DYNC1I1: variants seen among roughly 807,000 people sequenced by gnomAD.
DYNC1I1 encodes the protein cytoplasmic dynein 1 intermediate chain 1.
Under a neutral mutation model 86.6 loss-of-function variants are expected in DYNC1I1, and 43 were observed. The observed-to-expected ratio is 0.50, with a 90% confidence interval of 0.39 to 0.64. The LOEUF is 0.64. Among genes scored for constraint, DYNC1I1 ranks in the 30% least tolerant of loss-of-function variants. The pLI is 0.00. For synonymous variants in DYNC1I1, 262 were observed against 283.7 expected (o/e 0.92, Z 0.77); for missense variants, 604 against 788.8 (o/e 0.77, Z 2.81).
At chr7:96,076,225 G>C (rs763584158) in intron 15 of DYNC1I1, 28 bp downstream of exon 15, 1 of 1,609,994 alleles carries the variant, frequency 6.2e-7, no homozygotes, top group Non-Finnish European at 8.5e-7. Context: ...CGCCCGGGCC[G>C]GAGGGCTGGG....
At chr7:95,965,673 T>C (rs1792992162) in intron 6 of DYNC1I1, among the ~76,000 whole-genome samples, 1 of 152,126 alleles carries the variant, frequency 6.6e-6, no homozygotes. Flanking sequence ...CTCATGTATT[T>C]AACCCCACAT....
chr7:95,874,901 C>T (rs1490124876), intron 6 of DYNC1I1, among the ~76,000 whole-genome samples: 1 of 152,242 alleles, frequency 6.6e-6, no homozygotes, highest in Non-Finnish European at 1.5e-5. Flanking sequence ...GCTAACACAG[C>T]AAGATCATAC....
intron 11 of DYNC1I1, among the ~76,000 whole-genome samples, chr7:96,029,109 T>C (rs1359854945): frequency 6.6e-6 from 1 of 152,188 alleles, no homozygotes; most frequent in Non-Finnish European, 1.5e-5. Context: ...TTGTTTCATA[T>C]GCTGGACTCA....
chr7:96,039,634 T>TA (rs1788975554), intron 14 of DYNC1I1, among the ~76,000 whole-genome samples: 1 of 152,150 alleles, frequency 6.6e-6, no homozygotes, highest in Non-Finnish European at 1.5e-5. Context: ...ATTCTAACTA[T>TA]AAAAAATTCA....
intron 6 of DYNC1I1, among the ~76,000 whole-genome samples, chr7:95,956,918 C>T (rs947236907): frequency 8.5e-5 from 13 of 152,166 alleles, no homozygotes; most frequent in Non-Finnish European, 1.9e-4. Flanking sequence ...ATAATCAAGT[C>T]CATCATTCAG....
At chr7:95,795,990 T>C (rs1052948932) in intron 1 of DYNC1I1, among the ~76,000 whole-genome samples, 16 of 151,300 alleles carry the variant, frequency 1.1e-4, no homozygotes, top group African/African-American at 3.6e-4. Context: ...CTAGATATAA[T>C]TGAGGTCTGT....
chr7:95,999,861 A>ATCAATT (rs1793966955), intron 10 of DYNC1I1, among the ~76,000 whole-genome samples: 1 of 152,068 alleles, frequency 6.6e-6, no homozygotes, highest in South Asian at 2.1e-4. Flanking sequence ...AGTAAACCTC[A>ATCAATT]TTTCTTCCTC....
chr7:96,091,513 C>T (rs1310518500), intron 16 of DYNC1I1, among the ~76,000 whole-genome samples: 1 of 151,994 alleles, frequency 6.6e-6, no homozygotes, highest in East Asian at 1.9e-4. Flanking sequence ...ATCTGAGAAA[C>T]CAACTGAAAT....
At chr7:95,826,484 G>A (rs1385222954) in intron 4 of DYNC1I1, among the ~76,000 whole-genome samples, 1 of 152,114 alleles carries the variant, frequency 6.6e-6, no homozygotes, top group African/African-American at 2.4e-5. Flanking sequence ...TAGAAAACCA[G>A]CAAAATATTC....
chr7:95,873,355 T>C (rs1395951334), intron 6 of DYNC1I1, among the ~76,000 whole-genome samples: 1 of 152,216 alleles, frequency 6.6e-6, no homozygotes, highest in Admixed American at 6.5e-5. Flanking sequence ...CCAAGTAGTA[T>C]AGCCATTTGA....
At chr7:96,106,933 T>C (rs759219457) in intron 16 of DYNC1I1, among the ~76,000 whole-genome samples, 11 of 152,224 alleles carry the variant, frequency 7.2e-5, no homozygotes, top group Non-Finnish European at 1.3e-4. Flanking sequence ...TTTTATTTTC[T>C]ATGCATTCTG....
At chr7:95,866,410 G>A (rs888664379) in intron 5 of DYNC1I1, among the ~76,000 whole-genome samples, 6 of 152,142 alleles carry the variant, frequency 3.9e-5, no homozygotes, top group Admixed American at 3.9e-4. Context: ...AGGAAAACAA[G>A]GTTTTTAAGT....
chr7:95,779,234 A>G (rs543689936), intron 1 of DYNC1I1, among the ~76,000 whole-genome samples: 1 of 152,188 alleles, frequency 6.6e-6, no homozygotes, highest in Non-Finnish European at 1.5e-5. Flanking sequence ...TTCCCTGTTT[A>G]AATAATTTAA....
chr7:95,963,513 C>T (rs914376743), intron 6 of DYNC1I1, among the ~76,000 whole-genome samples: 1 of 152,176 alleles, frequency 6.6e-6, no homozygotes, highest in Non-Finnish European at 1.5e-5. Context: ...ACTGAAATGA[C>T]TGAGAACAGG....
chr7:95,831,929 C>T (rs560837786), intron 5 of DYNC1I1, among the ~76,000 whole-genome samples: 4 of 152,016 alleles, frequency 2.6e-5, no homozygotes, highest in African/African-American at 4.8e-5. Flanking sequence ...ATATTATCTC[C>T]CATTCTATAC....
chr7:95,880,551 C>G (rs1217722749), intron 6 of DYNC1I1, among the ~76,000 whole-genome samples: 1 of 152,026 alleles, frequency 6.6e-6, no homozygotes, highest in Non-Finnish European at 1.5e-5. Context: ...CAGGTCCAGC[C>G]TTACCTGTGA....
chr7:96,022,202 G>T (rs1415090790), intron 10 of DYNC1I1, among the ~76,000 whole-genome samples: 1 of 152,116 alleles, frequency 6.6e-6, no homozygotes, highest in Non-Finnish European at 1.5e-5. Context: ...AGCCAACCTA[G>T]TGGATGTTAA....
chr7:96,007,738 T>C (rs1197733513), intron 10 of DYNC1I1, among the ~76,000 whole-genome samples: 1 of 152,208 alleles, frequency 6.6e-6, no homozygotes, highest in Non-Finnish European at 1.5e-5. Context: ...AGAAGGCTAA[T>C]GGATTTTTAC....
At chr7:96,079,540 A>G (rs1006032595) in intron 15 of DYNC1I1, among the ~76,000 whole-genome samples, 1 of 152,198 alleles carries the variant, frequency 6.6e-6, no homozygotes, top group African/African-American at 2.4e-5. Flanking sequence ...GGCTCTTGGA[A>G]CAAATACTAC....
Sources: gnomAD v4.1 joint callset for allele counts (sites outside exome capture counted in the v4.1 genomes callset) on GRCh38, gnomAD v4.1.1 for gene constraint, MANE v1.5 for transcripts, NCBI Gene and HGNC (gene_info 2026-07-23, HGNC 2026-07-21) for gene names.